Variants in CAMK2B observed in about 807,000 individuals in gnomAD.
CAMK2B encodes calcium/calmodulin-dependent protein kinase type II subunit beta.
CAMK2B carries 27 observed loss-of-function variants against 93.7 expected under a neutral mutation model. The observed-to-expected ratio is 0.29, with a 90% CI of 0.21 to 0.40. CAMK2B has a LOEUF of 0.40. Among genes scored for constraint, CAMK2B ranks in the 10% least tolerant of loss-of-function variants. The probability of loss-of-function intolerance (pLI) is 1.00; values close to 1 mark genes in which losing one functional copy is unlikely to be tolerated. For missense variants in CAMK2B, 568 were observed against 895.8 expected, an observed-to-expected ratio of 0.63 and a Z score of 4.67; for synonymous variants, 374 against 358.8, an observed-to-expected ratio of 1.04 and a Z score of -0.48.
Position 44,229,022 on chromosome 7 carries a change from C to A in CAMK2B, c.1340-98G>T, listed in dbSNP as rs766436734. ...AGTGGGAGGGGTCCCGTGTTCTAGA[C>A]CCCTTGGGCCCTGGGATCAGGCCCT... On this transcript the variant is annotated intron_variant, in intron 18 of 23. Coordinates refer to ENST00000395749, the MANE Select transcript of CAMK2B (RefSeq NM_001220.5). The A allele has an allele frequency of 1.6e-5, 18 of 1,146,022 alleles. No homozygotes were observed. In the East Asian group the frequency reaches 2.4e-4, roughly 15 times the overall value. The allele number at this position is 1,146,022 out of a possible 1,614,324, so 71.0% of individuals were successfully genotyped here.
intron 12 of CAMK2B, among the ~76,000 whole-genome samples, chr7:44,240,308 G>A (rs1046661742): frequency 1.3e-5 from 2 of 152,180 alleles, no homozygotes; most frequent in South Asian, 4.1e-4. Context: ...CGAGCCTCCC[G>A]CATCACCCCG....
intron 19 of CAMK2B, 46 bp downstream of exon 19, chr7:44,228,750 G>A: frequency 7.0e-7 from 1 of 1,425,610 alleles, no homozygotes; most frequent in Non-Finnish European, 9.2e-7. Context: ...CATTCGCAGG[G>A]AGCTGTCCGG....
At position 44,228,785 on chromosome 7, in the gene CAMK2B, C is replaced by T. The variant is rs886264940; in HGVS notation, c.1468+11G>A. ...GCAGCAGAGGCGGCAGGCCTGGGGG[C>T]CACTACTTACACGGGGAGGACAGGG... On this transcript the variant is annotated intron_variant, in intron 19 of 23. Coordinates refer to ENST00000395749, the MANE Select transcript of CAMK2B (RefSeq NM_001220.5). 26 of 1,462,768 alleles carry T rather than the reference C, an allele frequency of 1.8e-5. No individual in the cohort carries two copies. Among genetic ancestry groups the T allele is most frequent in the South Asian group, 7.2e-5 (5 of 69,130 alleles). The allele number at this position is 1,462,768 out of a possible 1,614,324, so 90.6% of individuals were successfully genotyped here.
At chr7:44,270,272 A>G (rs914080055) in intron 2 of CAMK2B, among the ~76,000 whole-genome samples, 2 of 152,154 alleles carry the variant, frequency 1.3e-5, no homozygotes, top group African/African-American at 4.8e-5. Flanking sequence ...GATGGTGCAC[A>G]TGGCAGAAGG....
At chr7:44,250,481 C>G (rs2096769754) in intron 5 of CAMK2B, among the ~76,000 whole-genome samples, 1 of 151,364 alleles carries the variant, frequency 6.6e-6, no homozygotes, top group South Asian at 2.1e-4. Context: ...CGCAGACAGT[C>G]AGCATTGCAC....
intron 2 of CAMK2B, among the ~76,000 whole-genome samples, chr7:44,272,422 A>G (rs2096983705): frequency 6.6e-6 from 1 of 152,158 alleles, no homozygotes; most frequent in Admixed American, 6.5e-5. Flanking sequence ...CGGGAGGCTG[A>G]GCCCTGTGAT....
At chr7:44,288,245 G>A (rs901181877) in intron 1 of CAMK2B, among the ~76,000 whole-genome samples, 1 of 152,198 alleles carries the variant, frequency 6.6e-6, no homozygotes, top group Admixed American at 6.5e-5. Context: ...ACAGAGGCTC[G>A]AAGCCCGGTC....
intron 14 of CAMK2B, 49 bp from the exon 15 acceptor site, chr7:44,234,510 C>T (rs750008046): frequency 1.3e-5 from 21 of 1,577,132 alleles, no homozygotes; most frequent in Middle Eastern, 1.7e-4. Flanking sequence ...GCCCCTCACT[C>T]GCCATTCCCT....
At chr7:44,325,760 GGC>G (rs1041421311), upstream of CAMK2B, 1 of 118,038 alleles carries the variant, frequency 8.5e-6, no homozygotes, top group Non-Finnish European at 1.7e-5. Flanking sequence ...GCAGGGCACC[GGC>G]GCCCTGCATC....
chr7:44,313,619 G>A (rs1381923788), intron 1 of CAMK2B, among the ~76,000 whole-genome samples: 3 of 151,362 alleles, frequency 2.0e-5, no homozygotes. Flanking sequence ...CTGAAAGTAA[G>A]GTGGTACAGA....
rs181378047 is a variant in CAMK2B, at chr7:44,225,636, C to A, written c.1597+880G>T. On this transcript the variant is annotated intron_variant, in intron 20 of 23. Transcript: ENST00000395749. The surrounding 1 kb of genome is among the most constrained non-coding windows in gnomAD (Gnocchi z 5.0). ...AGCCTGCAGCCTGCATCCCCCTCCT[C>A]GAGCCGCTGCTCCTGTGGGTTCACT... 3.4e-6 allele frequency: 3 copies of A among 877,396 alleles called. No individual in the cohort carries two copies. The highest frequency in any genetic ancestry group is 1.7e-5 in the African/African-American group (1 of 57,924). The allele number at this position is 877,396 out of a possible 1,614,324, so 54.4% of individuals were successfully genotyped here. A position where few individuals can be genotyped will look rare whatever the true frequency, so the allele number is the denominator to read the frequency against.
In CAMK2B at chr7:44,278,564, G is replaced by A. The variant is rs562133927; in HGVS notation, c.160+5567C>T. ...GTTGGGGAACCTCAGGTCCCCGCAT[G>A]GGGGAGGCAGCCCAGGGCAGCAGAG... is the stretch of plus-strand genomic sequence containing the variant. On this transcript the variant is annotated intron_variant, in intron 2 of 23. Transcript: ENST00000395749. Among the ~76,000 whole-genome samples the A allele has an allele frequency of 3.0e-4, 46 of 152,274 alleles. 1 individual carries two copies. The South Asian group carries it at 9.1e-3, about 30-fold the overall frequency.
At chr7:44,277,831 G>A (rs1025687644) in intron 2 of CAMK2B, among the ~76,000 whole-genome samples, 2 of 152,028 alleles carry the variant, frequency 1.3e-5, no homozygotes, top group African/African-American at 4.8e-5. Flanking sequence ...CAGGGGGGAA[G>A]GCCATTGCTC....
At chr7:44,292,997 C>T (rs112656413) in intron 1 of CAMK2B, among the ~76,000 whole-genome samples, 18 of 152,346 alleles carry the variant, frequency 1.2e-4, no homozygotes, top group African/African-American at 3.1e-4. Context: ...CATCTCAGAA[C>T]GAGAAAACCC....
Position 44,228,840 on chromosome 7 carries a change from G to T in CAMK2B, c.1424C>A (p.Pro475Gln), listed in dbSNP as rs537871427. 6.7e-7 allele frequency: 1 copy of T among 1,493,268 alleles called. No homozygotes were observed. Among genetic ancestry groups the T allele is most frequent in the East Asian group, 2.5e-5 (1 of 40,594 alleles). 92.5% of individuals were successfully genotyped at this position (1,493,268 alleles called of 1,614,324 possible). A position where few individuals can be genotyped will look rare whatever the true frequency, so the allele number is the denominator to read the frequency against. Residue 475 changes from proline to glutamine, a missense_variant, in exon 19 of 24, where the codon CCG (proline) becomes CAG (glutamine). Coordinates refer to ENST00000395749, the MANE Select transcript of CAMK2B (RefSeq NM_001220.5). The stretch of plus-strand genomic sequence containing the variant: ...TAGGAGAGCCGGAGACAGGCAGGGC[G>T]GGGGCCCCGCTGAGAGGGGGCCCTC... ...EAEGPLSAGPPPCLSPALLGP... is the reference protein window; with the variant it reads ...EAEGPLSAGPQPCLSPALLGP...
At position 44,309,909 on chromosome 7, in the gene CAMK2B, C is replaced by T. The variant is rs1793051602; in HGVS notation, c.65+15448G>A. Among the ~76,000 whole-genome samples the T allele has an allele frequency of 1.3e-5, 2 of 152,240 alleles. 1 individual carries two copies. The highest frequency in any genetic ancestry group is 4.1e-4 in the South Asian group (2 of 4,838). Reference sequence around the variant, plus strand: ...GTCACGCCCCTCCTGGAGCGGCGGCCCGCGGGTAGTCACCGCGCCTGAGCA... The same window carrying T: ...GTCACGCCCCTCCTGGAGCGGCGGCTCGCGGGTAGTCACCGCGCCTGAGCA... On this transcript the variant is annotated intron_variant, in intron 1 of 23. Transcript: ENST00000395749.
intron 20 of CAMK2B, 49 bp downstream of exon 20, chr7:44,226,467 C>A (rs574460867): frequency 7.4e-7 from 1 of 1,355,060 alleles, no homozygotes; most frequent in Middle Eastern, 2.0e-4. Flanking sequence ...TCGCACGCCC[C>A]GAGCCCCTCC....
intron 2 of CAMK2B, among the ~76,000 whole-genome samples, chr7:44,283,228 A>G (rs1198678825): frequency 1.3e-5 from 2 of 152,212 alleles, no homozygotes; most frequent in African/African-American, 4.8e-5. Flanking sequence ...GCCTCTGCCC[A>G]TCATCATCAG....
intron 12 of CAMK2B, among the ~76,000 whole-genome samples, chr7:44,240,134 C>T (rs2096663267): frequency 1.0e-5 from 1 of 96,590 alleles, no homozygotes; most frequent in African/African-American, 4.3e-5. Flanking sequence ...CTGCCGGCTC[C>T]ACTCCGGGGC....
Sources: gnomAD v4.1 joint callset for allele counts (sites outside exome capture counted in the v4.1 genomes callset) on GRCh38, gnomAD v4.1.1 for gene constraint, Gnocchi (gnomAD v3.1) non-coding constraint, MANE v1.5 for transcripts, NCBI Gene and HGNC (gene_info 2026-07-23, HGNC 2026-07-21) for gene names.